Variants in DCTN1 observed in about 807,000 individuals in gnomAD.
DCTN1 encodes dynactin subunit 1.
A neutral mutation model predicts 161.2 loss-of-function variants in DCTN1; 61 were observed. That is an observed-to-expected ratio of 0.38 (90% CI 0.31 to 0.47). DCTN1 has a LOEUF of 0.47. Among genes scored for constraint, DCTN1 ranks in the 20% least tolerant of loss-of-function variants. The pLI is 0.99. For missense variants in DCTN1, 1,404 were observed against 1,623.7 expected (o/e 0.86, Z 2.33); for synonymous variants, 653 against 632.4 (o/e 1.03, Z -0.49).
rs1475285679 is a variant in DCTN1 at position 74,365,965 on chromosome 2, A to G, written c.2814T>C (p.Ala938=). 3 of 1,614,108 alleles carry G rather than the reference A, an allele frequency of 1.9e-6. No homozygotes were observed. The highest frequency in any genetic ancestry group is 1.3e-5 in the African/African-American group (1 of 74,940). The change falls in exon 24 of 32, where the codon GCT becomes GCC. Residue 938 remains alanine (A), a synonymous_variant. Transcript: ENST00000628224. The part of the protein sequence containing the change: ...AAALRAEITD[A]EGLGLKLEDR... ...CTTCGAGCTTCAAACCCAGGCCTTC[A>G]GCATCTGTGATCTCTGCACGAAGGG...
Position 74,370,410 on chromosome 2 carries a change from C to T in DCTN1, c.1127+56G>A. 6.2e-7 allele frequency: 1 copy of T among 1,614,020 alleles called. No individual in the cohort carries two copies. Among genetic ancestry groups the T allele is most frequent in the Non-Finnish European group, 8.5e-7 (1 of 1,179,964 alleles). ...GTCAGAGTCTCTGGCGATGGGTGCT[C>T]TAACACATTTGGAGACACAAGAGTA... On this transcript the variant is annotated intron_variant, in intron 11 of 31. Transcript: ENST00000628224. The surrounding 1 kb of genome is among the most constrained non-coding windows in gnomAD (Gnocchi z 4.4).
At position 74,365,143 on chromosome 2, in the gene DCTN1, C is replaced by T. The variant is rs776489779; in HGVS notation, c.3128G>A (p.Arg1043His). The change falls in exon 26 of 32, where the codon CGC becomes CAC. Residue 1043 changes from arginine to histidine, a missense_variant. Arg to His is a conservative substitution (Grantham distance 29). Around this residue, in one of 9 missense-constraint regions of DCTN1, gnomAD observed 311 missense variants for 298.9 expected, o/e 1.04. Coordinates refer to ENST00000628224, the MANE Select transcript of DCTN1 (RefSeq NM_004082.5). ...LKQRLNSQSK[R>H]TIEGLRGPPP... Reference sequence around the variant, plus strand: ...AGGGCCCCGGAGTCCCTCAATCGTGCGTTTGGACTGGCTGTTCAGACGCTG... The same window carrying T: ...AGGGCCCCGGAGTCCCTCAATCGTGTGTTTGGACTGGCTGTTCAGACGCTG... 155 of 1,614,040 alleles carry T rather than the reference C, an allele frequency of 9.6e-5. No individual in the cohort carries two copies. Among genetic ancestry groups the T allele is most frequent in the Non-Finnish European group, 8.6e-5 (102 of 1,180,046 alleles).
rs372554051 is a variant in DCTN1, at chr2:74,365,577, C to T, written c.2967G>A (p.Glu989=). 25 of 1,614,020 alleles carry T rather than the reference C, an allele frequency of 1.5e-5. No homozygotes were observed. The African/African-American group carries it at 2.8e-4, about 18-fold the overall frequency. ...GCCGAGTCTGGACTTTCTCGATGCG[C>T]TCATCTGCATCCTTGGCAGCACTGT... The part of the protein sequence containing the change: ...KLDSAAKDAD[E]RIEKVQTRLE... The change falls in exon 25 of 32, where the codon GAG becomes GAA. Residue 989 remains glutamate (E), a synonymous_variant. Coordinates refer to ENST00000628224, the MANE Select transcript of DCTN1 (RefSeq NM_004082.5).
At chr2:74,377,868 T>TC (rs1675314921) in intron 2 of DCTN1, 132 bp downstream of exon 2, 3 of 1,475,832 alleles carry the variant, frequency 2.0e-6, no homozygotes, top group Non-Finnish European at 1.9e-6. Flanking sequence ...CAATCTTCCC[T>TC]CCCCCACTAC....
At chr2:74,390,716 C>A (rs1320572677) in intron 1 of DCTN1, 1 of 415,018 alleles carries the variant, frequency 2.4e-6, no homozygotes, top group South Asian at 1.7e-5. Context: ...GCAGCATTAG[C>A]ATCACCTGGG....
rs555733849 is a variant in DCTN1 at position 74,368,058 on chromosome 2, C to T, written c.1928G>A (p.Arg643Gln). ...SENCSERPGL[R>Q]GAAGEQLSFA... ...GCTGAGTTGCTCCCCAGCAGCTCCT[C>T]GCAGCCCAGGCCGCTCTGAACAGTT... is the stretch of plus-strand genomic sequence containing the variant. The change falls in exon 17 of 32, where the codon CGA becomes CAA. Residue 643 changes from arginine (R) to glutamine (Q), a missense_variant. Physicochemically the swap from Arg to Gln is conservative, Grantham distance 43. Around this residue, in one of 9 missense-constraint regions of DCTN1, gnomAD observed 475 missense variants for 489.8 expected, o/e 0.97. Transcript: ENST00000628224. The T allele has an allele frequency of 4.3e-6, 7 of 1,613,474 alleles. No individual in the cohort carries two copies. The highest frequency in any genetic ancestry group is 4.5e-5 in the East Asian group (2 of 44,834).
rs1263374024 is a variant in DCTN1, at chr2:74,368,768, C to T, written c.1814G>A (p.Cys605Tyr). The stretch of plus-strand genomic sequence containing the variant: ...AGGCATGAGCAACAGCACCAGAACG[C>T]AGTCATGGTCCCCACCTGGCCGAAG... ...SFLRPGGDHD[C>Y]VLVLLLMPRL... is the part of the protein sequence containing the mutation. Residue 605 changes from cysteine to tyrosine, a missense_variant, in exon 16 of 32, where the codon TGC becomes TAC. Physicochemically the swap from Cys to Tyr is radical, Grantham distance 194. Around this residue, in one of 9 missense-constraint regions of DCTN1, gnomAD observed 278 missense variants for 363.8 expected, o/e 0.76. Coordinates refer to ENST00000628224, the MANE Select transcript of DCTN1 (RefSeq NM_004082.5). 7 of 1,614,150 alleles carry T rather than the reference C, an allele frequency of 4.3e-6. No individual in the cohort carries two copies. Among genetic ancestry groups the T allele is most frequent in the African/African-American group, 1.3e-5 (1 of 74,944 alleles).
At chr2:74,365,289 T>C in intron 25 of DCTN1, 48 bp from the exon 26 acceptor site, 1 of 1,609,372 alleles carries the variant, frequency 6.2e-7, no homozygotes, top group Non-Finnish European at 8.5e-7. Context: ...TCTAAAGCAC[T>C]CCTTGACTAT....
chr2:74,363,087 C>T lies in DCTN1; in HGVS notation c.3436G>A (p.Gly1146Arg), dbSNP rs866164379. 3 of 1,613,738 alleles carry T rather than the reference C, an allele frequency of 1.9e-6. No homozygotes were observed. The African/African-American group carries it at 4.0e-5, about 22-fold the overall frequency. ...TGGCTGGTCTTACGATACAGCGCTC[C>T]AGCTGGTAACTCACTGCCAGGGCCC... ...HEGPGSELPA[G>R]ALYRKTSQLL... The change falls in exon 29 of 32, where the codon GGA (glycine) becomes AGA (arginine). Residue 1146 changes from glycine to arginine, a missense_variant. Gly to Arg is a moderately radical substitution (Grantham distance 125, BLOSUM62 -2). This residue lies in a region of DCTN1 where 311 missense variants were observed against 298.9 expected (regional missense o/e 1.04). Coordinates refer to ENST00000628224, the MANE Select transcript of DCTN1 (RefSeq NM_004082.5).
In DCTN1 at chr2:74,372,829, C is replaced by A; in HGVS notation, c.453+99G>T. 8 of 1,247,142 alleles carry A rather than the reference C, an allele frequency of 6.4e-6. No homozygotes were observed. The South Asian group carries it at 8.4e-5, about 13-fold the overall frequency. The allele number at this position is 1,247,142 out of a possible 1,614,324, so 77.3% of individuals were successfully genotyped here. ...GAAGAGAACCCAGGATACACTATGA[C>A]GAACTTTCACTTGCTCATACACGTG... On this transcript the variant is annotated intron_variant, in intron 7 of 31. Coordinates refer to ENST00000628224, the MANE Select transcript of DCTN1 (RefSeq NM_004082.5).
At chr2:74,371,201 T>C in intron 8 of DCTN1, 25 bp from the exon 9 acceptor site, 1 of 1,611,802 alleles carries the variant, frequency 6.2e-7, no homozygotes, top group Non-Finnish European at 8.5e-7. Context: ...CCTCACGGTC[T>C]GTGCACAGCC....
intron 2 of DCTN1, 55 bp downstream of exon 2, chr2:74,377,945 C>T (rs563408010): frequency 3.7e-6 from 6 of 1,610,094 alleles, no homozygotes; most frequent in Non-Finnish European, 5.1e-6. Context: ...ACATCAGCTG[C>T]ACATGCGACA....
At position 74,371,166 on chromosome 2, in the gene DCTN1, C is replaced by CCCT; in HGVS notation, c.653_655dup (p.Glu218dup). Reference sequence around the variant, plus strand: ...CAGGTCCCGCACCTGAGCCCTTAGTCCCTCCTCCTCCTGCAAAGGAGAGGC... The same window carrying CCCT: ...CAGGTCCCGCACCTGAGCCCTTAGTCCCTCCTCCTCCTCCTGCAAAGGAGAGGC... On this transcript the variant is annotated inframe_insertion, in exon 9 of 32. Transcript: ENST00000628224. The CCCT allele has an allele frequency of 6.2e-7, 1 of 1,613,668 alleles. No individual in the cohort carries two copies. The highest frequency in any genetic ancestry group is 1.1e-5 in the South Asian group (1 of 91,080).
In DCTN1 at chr2:74,369,091, T is replaced by C; in HGVS notation, c.1701+7A>G. ...AGGGCTCCCTCAGACCCACACACTT[T>C]CCTGACCTTGGCATGGGCCTTAGTC... is the stretch of plus-strand genomic sequence containing the variant. On this transcript the variant is annotated splice_region_variant and intron_variant, in intron 15 of 31. Transcript: ENST00000628224. The surrounding 1 kb of genome is among the most constrained non-coding windows in gnomAD (Gnocchi z 4.9). The C allele has an allele frequency of 6.2e-7, 1 of 1,613,936 alleles. No homozygotes were observed. The highest frequency in any genetic ancestry group is 8.5e-7 in the Non-Finnish European group (1 of 1,179,948).
intron 8 of DCTN1, 82 bp from the exon 9 acceptor site, chr2:74,371,258 A>C: frequency 6.2e-7 from 1 of 1,605,766 alleles, no homozygotes; most frequent in African/African-American, 1.3e-5. Context: ...GAACACAAGA[A>C]AGTGTGCAAA....
intron 1 of DCTN1, chr2:74,391,751 G>A (rs1294512222): frequency 4.4e-6 from 2 of 452,248 alleles, no homozygotes; most frequent in African/African-American, 4.0e-5. Context: ...GAACACGTAG[G>A]GGGCCGGCGG....
Position 74,363,224 on chromosome 2 carries a change from C to G in DCTN1, c.3346-47G>C, listed in dbSNP as rs374503705. ...TAGTGGTAAGAGGTGCTAGGAGGCC[C>G]CTGTCATCTATCATCAATGGGGCAA... On this transcript the variant is annotated intron_variant, in intron 28 of 31. Coordinates refer to ENST00000628224, the MANE Select transcript of DCTN1 (RefSeq NM_004082.5). 9.4e-5 allele frequency: 151 copies of G among 1,614,044 alleles called. No homozygotes were observed. In the Middle Eastern group the frequency reaches 2.5e-3, roughly 26 times the overall value.
chr2:74,376,119 C>T (rs1675208831), intron 5 of DCTN1, among the ~76,000 whole-genome samples: 1 of 152,146 alleles, frequency 6.6e-6, no homozygotes, highest in African/African-American at 2.4e-5. Context: ...TTGAGCCCCA[C>T]TCCAATGATG....
chr2:74,363,255 C>T, intron 28 of DCTN1, 39 bp downstream of exon 28: 2 of 1,614,060 alleles, frequency 1.2e-6, no homozygotes, highest in South Asian at 1.1e-5. Flanking sequence ...GGCAAATATG[C>T]TCCATCTCCC....
Sources: gnomAD v4.1 joint callset for allele counts (sites outside exome capture counted in the v4.1 genomes callset) on GRCh38, gnomAD v4.1.1 for gene constraint, gnomAD v4.1.1 regional missense constraint, Gnocchi (gnomAD v3.1) non-coding constraint, MANE v1.5 for transcripts, NCBI Gene and HGNC (gene_info 2026-07-23, HGNC 2026-07-21) for gene names.